WDR1: variants seen among roughly 807,000 people sequenced by gnomAD.
WDR1 encodes WD repeat-containing protein 1.
WDR1 carries 21 observed loss-of-function variants against 71.9 expected under a neutral mutation model. The observed-to-expected ratio is 0.29, with a 90% confidence interval of 0.21 to 0.42. WDR1 has a LOEUF of 0.42. WDR1 is among the 10% of genes least tolerant of loss of function. The probability of loss-of-function intolerance (pLI) is 1.00; values close to 1 mark genes in which losing one functional copy is unlikely to be tolerated. For missense variants in WDR1, 696 were observed against 824.5 expected (o/e 0.84, Z 1.91); for synonymous variants, 424 against 347.4 (o/e 1.22, Z -2.45).
intron 1 of WDR1, 183 bp from the exon 2 acceptor site, chr4:10,116,417 C>T: frequency 2.1e-6 from 2 of 956,964 alleles, no homozygotes; most frequent in Non-Finnish European, 2.9e-6. Context: ...GGGCCAGGCC[C>T]TTGGGGGCAG....
intron 2 of WDR1, among the ~76,000 whole-genome samples, chr4:10,114,832 T>G (rs534192036): frequency 1.3e-5 from 2 of 152,192 alleles, no homozygotes; most frequent in South Asian, 4.1e-4. Context: ...ACCCCCTCAT[T>G]TGAGGGGCCC....
At chr4:10,107,461 C>T (rs775662511) in intron 2 of WDR1, among the ~76,000 whole-genome samples, 2 of 152,214 alleles carry the variant, frequency 1.3e-5, no homozygotes, top group East Asian at 1.9e-4. Flanking sequence ...GGCTTGCAAC[C>T]CACCCTTCCT....
chr4:10,077,229 G>A, intron 14 of WDR1, 75 bp downstream of exon 14: 1 of 1,583,548 alleles, frequency 6.3e-7, no homozygotes, highest in South Asian at 1.1e-5. Context: ...CTGAAGCCAG[G>A]GGACAGCCTG....
chr4:10,100,781 G>T (rs1032122567), intron 3 of WDR1, among the ~76,000 whole-genome samples: 1 of 152,222 alleles, frequency 6.6e-6, no homozygotes, highest in Non-Finnish European at 1.5e-5. Context: ...GGAAGAAGGG[G>T]TCAGAAGAGG....
chr4:10,106,566 C>G (rs1399484349), intron 2 of WDR1: 1 of 152,182 alleles, frequency 6.6e-6, no homozygotes, highest in Non-Finnish European at 1.5e-5. Flanking sequence ...GGGTGGGGCT[C>G]CCATGGGCCT....
chr4:10,107,803 C>G (rs1713110145), intron 2 of WDR1, among the ~76,000 whole-genome samples: 1 of 152,186 alleles, frequency 6.6e-6, no homozygotes, highest in Non-Finnish European at 1.5e-5. Context: ...CGCGAGCAGA[C>G]CCAGGACCCA....
chr4:10,088,849 AACTGT>A, intron 5 of WDR1, 108 bp from the exon 6 acceptor site: 1 of 866,768 alleles, frequency 1.2e-6, no homozygotes, highest in Non-Finnish European at 1.9e-6. Flanking sequence ...CATCAGTGTG[AACTGT>A]TAGTCCACTG....
intron 11 of WDR1, among the ~76,000 whole-genome samples, chr4:10,081,081 C>A (rs1202672748): frequency 1.3e-5 from 2 of 151,986 alleles, no homozygotes; most frequent in African/African-American, 2.4e-5. Flanking sequence ...AGGCAGGCAG[C>A]GTGGTCTGAG....
At chr4:10,079,032 G>A (rs770375950) in intron 11 of WDR1, 31 bp from the exon 12 acceptor site, 10 of 1,553,872 alleles carry the variant, frequency 6.4e-6, no homozygotes, top group Non-Finnish European at 7.9e-6. Context: ...TGGTCAGGCG[G>A]TCCAGCCCTT....
At chr4:10,092,297 C>T (rs1283423885) in intron 5 of WDR1, 1 of 152,266 alleles carries the variant, frequency 6.6e-6, no homozygotes, top group Non-Finnish European at 1.5e-5. Context: ...ATGGCTCTTG[C>T]TACAAAATGG....
chr4:10,116,342 G>T, intron 1 of WDR1, 108 bp from the exon 2 acceptor site: 2 of 1,481,470 alleles, frequency 1.4e-6, no homozygotes, highest in Non-Finnish European at 1.8e-6. Context: ...TGTTGACTGC[G>T]CCGGGAGGGC....
At chr4:10,104,487 C>T (rs1712902576) in intron 2 of WDR1, among the ~76,000 whole-genome samples, 1 of 152,188 alleles carries the variant, frequency 6.6e-6, no homozygotes, top group African/African-American at 2.4e-5. Flanking sequence ...TGTGGGAGCC[C>T]TCTCTATCAA....
Position 10,090,101 on chromosome 4 carries a change from G to A in WDR1, c.559-1360C>T, listed in dbSNP as rs79366760. ...GTAACCCCCAGGGCTGTCAGTATCTGGGAAAGACAAGGAAGGACTCGGAGT... is the reference window on the plus strand; with the variant it reads ...GTAACCCCCAGGGCTGTCAGTATCTAGGAAAGACAAGGAAGGACTCGGAGT... On this transcript the variant is annotated intron_variant, in intron 5 of 14. Transcript: ENST00000499869. Among the ~76,000 whole-genome samples the A allele has an allele frequency of 3.3e-3, 501 of 152,282 alleles. 4 individuals are homozygous for A. The highest frequency in any genetic ancestry group is 0.011 in the African/African-American group (451 of 41,548).
rs1163776605 is a variant in WDR1, at chr4:10,077,840, G to A, written c.1482C>T (p.Asp494=). ...KLLEAKGPVT[D]VAYSHDGAFL... is the part of the protein sequence containing the mutation. ...AGGCGCCGTCGTGGGAGTAGGCCAC[G>A]TCGGTCACGGGGCCCTTGGCCTCTA... Residue 494 remains aspartate, a synonymous_variant, in exon 13 of 15, where the codon GAC becomes GAT. Transcript: ENST00000499869. The A allele has an allele frequency of 9.3e-6, 15 of 1,609,658 alleles. No individual in the cohort carries two copies. The highest frequency in any genetic ancestry group is 4.0e-5 in the African/African-American group (3 of 74,866).
chr4:10,088,451 C>A lies in WDR1; in HGVS notation c.637-78G>T, dbSNP rs549248277. ...TAAGCAGTTTCTCCATGGACTGTGG[C>A]TGTAGAAAACCGGGGCTCACAGACT... On this transcript the variant is annotated intron_variant, in intron 6 of 14. Coordinates refer to ENST00000499869, the MANE Select transcript of WDR1 (RefSeq NM_017491.5). The A allele has an allele frequency of 2.2e-3, 3,145 of 1,416,062 alleles. 8 individuals carry two copies. Among genetic ancestry groups the A allele is most frequent in the South Asian group, 3.7e-3 (298 of 81,280 alleles). The allele number at this position is 1,416,062 out of a possible 1,614,324, so 87.7% of individuals were successfully genotyped here.
rs1042926767 is a variant in WDR1 at position 10,091,172 on chromosome 4, C to G, written c.559-2431G>C. Among the ~76,000 whole-genome samples the G allele has an allele frequency of 2.0e-5, 3 of 152,272 alleles. No individual in the cohort carries two copies. The East Asian group carries it at 5.8e-4, about 29-fold the overall frequency. On this transcript the variant is annotated intron_variant, in intron 5 of 14. Transcript: ENST00000499869. ...GGGGAACACAGGACTGGACGGTCGT[C>G]TCTGGCTATGGTGCTAGAGGTCACC...
At chr4:10,116,269 G>A (rs762617978) in intron 1 of WDR1, 35 bp from the exon 2 acceptor site, 1 of 1,612,392 alleles carries the variant, frequency 6.2e-7, no homozygotes, top group Non-Finnish European at 8.5e-7. Flanking sequence ...GCATGTCAGG[G>A]CAGGGCGGGG....
intron 5 of WDR1, among the ~76,000 whole-genome samples, chr4:10,089,316 CCAGGATGGTCT>C (rs1711810231): frequency 1.3e-5 from 2 of 152,220 alleles, no homozygotes; most frequent in South Asian, 4.1e-4. Flanking sequence ...CCTTTGTTAG[CCAGGATGGTCT>C]CAGTATCCTG....
Position 10,075,283 on chromosome 4 carries a change from T to A in WDR1, c.*95A>T, listed in dbSNP as rs1222144015. 1 of 1,109,314 alleles carries A rather than the reference T, an allele frequency of 9.0e-7. No individual in the cohort carries two copies. 68.7% of individuals were successfully genotyped at this position (1,109,314 alleles called of 1,614,324 possible). ...TGCCTCTTGTGGTGGGGTGGGGGCA[T>A]GGGGGCGCGTCACAGAAATAGAGAA... On this transcript the variant is annotated 3_prime_UTR_variant, in exon 15 of 15. Coordinates refer to ENST00000499869, the MANE Select transcript of WDR1 (RefSeq NM_017491.5).
Sources: allele counts gnomAD v4.1 joint callset (sites outside exome capture counted in the v4.1 genomes callset), GRCh38; gene constraint gnomAD v4.1.1; transcripts MANE v1.5; gene names NCBI Gene and HGNC (gene_info 2026-07-23, HGNC 2026-07-21).